PIBF1: variants seen among roughly 807,000 people sequenced by gnomAD.
PIBF1 encodes the protein progesterone immunomodulatory binding factor 1.
Under a neutral mutation model 112.5 loss-of-function variants are expected in PIBF1, and 90 were observed. The observed-to-expected ratio is 0.80, with a 90% CI of 0.67 to 0.95. The LOEUF is 0.95. Ranked by LOEUF, PIBF1 falls within the 40% of genes least tolerant of loss-of-function variation. PIBF1 has a pLI of 0.00. For synonymous variants in PIBF1, 301 were observed against 288.6 expected, an observed-to-expected ratio of 1.04 and a Z score of -0.44; for missense variants, 915 against 852.3, an observed-to-expected ratio of 1.07 and a Z score of -0.92.
chr13:72,974,630 A>G (rs1472155459), intron 16 of PIBF1, among the ~76,000 whole-genome samples: 1 of 152,088 alleles, frequency 6.6e-6, no homozygotes, highest in Non-Finnish European at 1.5e-5. Context: ...CATTAGTCAT[A>G]TGTTTCCTTT....
At chr13:72,986,935 C>G (rs1015002095) in intron 16 of PIBF1, among the ~76,000 whole-genome samples, 1 of 152,250 alleles carries the variant, frequency 6.6e-6, no homozygotes, top group African/African-American at 2.4e-5. Flanking sequence ...TCCTGATCCA[C>G]CTGCCTCGGC....
At chr13:72,962,749 A>G (rs1438932395) in intron 14 of PIBF1, among the ~76,000 whole-genome samples, 1 of 152,188 alleles carries the variant, frequency 6.6e-6, no homozygotes, top group East Asian at 1.9e-4. Context: ...TCAAAATCCC[A>G]ATGGCATTTT....
intron 15 of PIBF1, among the ~76,000 whole-genome samples, chr13:72,971,078 A>G (rs2042876096): frequency 6.6e-6 from 1 of 152,134 alleles, no homozygotes; most frequent in Non-Finnish European, 1.5e-5. Flanking sequence ...ATATAAAAGC[A>G]TTTGTGAAGA....
At chr13:72,913,059 A>T (rs1162119997) in intron 12 of PIBF1, among the ~76,000 whole-genome samples, 1 of 148,184 alleles carries the variant, frequency 6.7e-6, no homozygotes, top group Non-Finnish European at 1.5e-5. Context: ...GGGGGTAAAA[A>T]TTTTTTTTTT....
chr13:72,947,520 T>C (rs2042181261), intron 14 of PIBF1, among the ~76,000 whole-genome samples: 1 of 152,206 alleles, frequency 6.6e-6, no homozygotes, highest in South Asian at 2.1e-4. Flanking sequence ...TGCAAGAGGC[T>C]CAAATTTCTC....
intron 5 of PIBF1, among the ~76,000 whole-genome samples, chr13:72,800,465 A>T (rs1478894104): frequency 6.6e-6 from 1 of 152,236 alleles, no homozygotes; most frequent in Non-Finnish European, 1.5e-5. Context: ...TAAAAGACAT[A>T]GTTTCTCATC....
chr13:72,925,742 A>G (rs1033489872), intron 13 of PIBF1, among the ~76,000 whole-genome samples: 6 of 151,806 alleles, frequency 4.0e-5, no homozygotes, highest in Admixed American at 6.6e-5. Context: ...GGGTTTCACC[A>G]TGTTGGCCAG....
intron 17 of PIBF1, among the ~76,000 whole-genome samples, chr13:72,999,540 G>C (rs1430121474): frequency 6.6e-6 from 1 of 152,018 alleles, no homozygotes; most frequent in African/African-American, 2.4e-5. Context: ...TAAACATAGA[G>C]ACTCAAAACC....
chr13:72,899,351 G>A (rs2040399905), intron 11 of PIBF1, among the ~76,000 whole-genome samples: 1 of 152,254 alleles, frequency 6.6e-6, no homozygotes, highest in South Asian at 2.1e-4. Context: ...TATCTTTGAT[G>A]AACATAAATG....
intron 10 of PIBF1, among the ~76,000 whole-genome samples, chr13:72,866,245 A>G (rs1342454151): frequency 2.0e-5 from 3 of 152,140 alleles, no homozygotes; most frequent in African/African-American, 7.2e-5. Context: ...CACATCTACA[A>G]AGACTCTTTT....
chr13:72,822,917 T>G (rs984497537), intron 6 of PIBF1, among the ~76,000 whole-genome samples: 2 of 152,172 alleles, frequency 1.3e-5, no homozygotes, highest in African/African-American at 4.8e-5. Flanking sequence ...GGAATAAAGC[T>G]GGAGTTCAAA....
chr13:72,898,705 C>T (rs1007941544), intron 11 of PIBF1, among the ~76,000 whole-genome samples: 18 of 150,290 alleles, frequency 1.2e-4, no homozygotes, highest in Admixed American at 4.7e-4. Context: ...AAAATAAAGC[C>T]GGGCATGTGG....
At chr13:72,856,260 T>C (rs1014899332) in intron 10 of PIBF1, among the ~76,000 whole-genome samples, 2 of 152,206 alleles carry the variant, frequency 1.3e-5, no homozygotes, top group Non-Finnish European at 2.9e-5. Flanking sequence ...AGTGTTGTTG[T>C]GAAACTTTAC....
intron 10 of PIBF1, among the ~76,000 whole-genome samples, chr13:72,869,233 T>C (rs2039053643): frequency 6.6e-6 from 1 of 152,040 alleles, no homozygotes; most frequent in African/African-American, 2.4e-5. Context: ...CCAACAATGG[T>C]AGACTGGATT....
intron 8 of PIBF1, among the ~76,000 whole-genome samples, chr13:72,833,387 TCTC>T (rs2037209155): frequency 6.6e-6 from 1 of 152,214 alleles, no homozygotes; most frequent in African/African-American, 2.4e-5. Context: ...TGCACTGGTG[TCTC>T]CTCATCTTTG....
chr13:72,945,832 A>G (rs2042135180), intron 14 of PIBF1, among the ~76,000 whole-genome samples: 1 of 152,234 alleles, frequency 6.6e-6, no homozygotes, highest in Admixed American at 6.5e-5. Flanking sequence ...ATCAATTTTC[A>G]GTAAATATAA....
At chr13:72,871,507 T>C (rs2039164426) in intron 10 of PIBF1, among the ~76,000 whole-genome samples, 2 of 152,296 alleles carry the variant, frequency 1.3e-5, no homozygotes, top group African/African-American at 2.4e-5. Context: ...GGTTTCCCCA[T>C]GTTGGCCAGG....
chr13:72,917,390 A>G (rs2041140808), intron 13 of PIBF1, among the ~76,000 whole-genome samples: 2 of 152,190 alleles, frequency 1.3e-5, no homozygotes, highest in Admixed American at 1.3e-4. Context: ...GTAGAATTAG[A>G]TTCGATGATA....
chr13:72,804,388 G>A (rs552762710), intron 5 of PIBF1, among the ~76,000 whole-genome samples: 83 of 152,286 alleles, frequency 5.5e-4, no homozygotes, highest in African/African-American at 1.9e-3. Context: ...ATGTATTTTT[G>A]TGGATTGTCA....
Sources: gnomAD v4.1 joint callset for allele counts (sites outside exome capture counted in the v4.1 genomes callset) on GRCh38, gnomAD v4.1.1 for gene constraint, MANE v1.5 for transcripts, NCBI Gene and HGNC (gene_info 2026-07-23, HGNC 2026-07-21) for gene names.